Variants in CSGALNACT2 observed in about 807,000 individuals in gnomAD.
CSGALNACT2 encodes the protein chondroitin sulfate N-acetylgalactosaminyltransferase 2.
Under a neutral mutation model 55.3 loss-of-function variants are expected in CSGALNACT2, and 35 were observed. The observed-to-expected ratio is 0.63, with a 90% confidence interval of 0.48 to 0.84. The LOEUF (loss-of-function observed/expected upper bound fraction) is 0.84. CSGALNACT2 is among the 40% of genes least tolerant of loss of function. CSGALNACT2 has a pLI of 0.00. For missense variants in CSGALNACT2, 544 were observed against 657.5 expected (o/e 0.83, Z 1.89); for synonymous variants, 196 against 224.9 (o/e 0.87, Z 1.15).
chr10:43,173,862 G>A (rs1303148298), intron 6 of CSGALNACT2, among the ~76,000 whole-genome samples: 3 of 151,968 alleles, frequency 2.0e-5, no homozygotes, highest in Non-Finnish European at 2.9e-5. Context: ...GTGTGGTGGC[G>A]CACACCTGTA....
chr10:43,182,747 T>TG (rs1839611524), intron 7 of CSGALNACT2, among the ~76,000 whole-genome samples: 1 of 150,652 alleles, frequency 6.6e-6, no homozygotes, highest in African/African-American at 2.4e-5. Flanking sequence ...TATGGTGACA[T>TG]GCGCCTGTGG....
At chr10:43,176,139 C>A (rs1839477622) in intron 7 of CSGALNACT2, 107 bp downstream of exon 7, 2 of 748,914 alleles carry the variant, frequency 2.7e-6, no homozygotes, top group South Asian at 2.3e-5. Flanking sequence ...GTATGAGTGT[C>A]TAAGGTTAGC....
intron 2 of CSGALNACT2, among the ~76,000 whole-genome samples, chr10:43,157,901 C>T (rs905187797): frequency 5.3e-5 from 8 of 151,946 alleles, no homozygotes; most frequent in South Asian, 2.1e-4. Flanking sequence ...TGGTGACACA[C>T]GCCTGTAGTC....
intron 6 of CSGALNACT2, among the ~76,000 whole-genome samples, chr10:43,171,203 A>C (rs1409142262): frequency 6.6e-6 from 1 of 152,244 alleles, no homozygotes; most frequent in African/African-American, 2.4e-5. Flanking sequence ...GATGAGGGGT[A>C]TACAGGAACT....
At chr10:43,178,738 C>T (rs1425928782) in intron 7 of CSGALNACT2, among the ~76,000 whole-genome samples, 1 of 150,998 alleles carries the variant, frequency 6.6e-6, no homozygotes, top group African/African-American at 2.4e-5. Flanking sequence ...TATTTTTGAA[C>T]CATGTTGGTT....
intron 3 of CSGALNACT2, among the ~76,000 whole-genome samples, chr10:43,159,506 T>C (rs1564514841): frequency 1.3e-5 from 2 of 152,102 alleles, no homozygotes; most frequent in African/African-American, 4.8e-5. Context: ...GGCTGGAATT[T>C]AATGTCTTTT....
rs372643974 is a variant in CSGALNACT2 at position 43,160,489 on chromosome 10, G to A, written c.879-5G>A. The A allele has an allele frequency of 6.9e-6, 10 of 1,441,528 alleles. No individual in the cohort carries two copies. The African/African-American group carries it at 1.4e-4, about 20-fold the overall frequency. The allele number at this position is 1,441,528 out of a possible 1,614,324, so 89.3% of individuals were successfully genotyped here. ...GAATAAACTTTTATTTTTCACTTCT[G>A]TTAGGGATGTTTGTATTCATCAAGA... On this transcript the variant is annotated splice_region_variant and splice_polypyrimidine_tract_variant and intron_variant, in intron 3 of 7. Transcript: ENST00000374466.
intron 2 of CSGALNACT2, 66 bp from the exon 3 acceptor site, chr10:43,158,649 C>A: frequency 4.3e-6 from 4 of 932,046 alleles, no homozygotes; most frequent in South Asian, 1.4e-5. Context: ...TGAGTAAAAT[C>A]TGTCTTCCCA....
At chr10:43,143,176 C>A (rs1249706507) in intron 1 of CSGALNACT2, among the ~76,000 whole-genome samples, 1 of 152,142 alleles carries the variant, frequency 6.6e-6, no homozygotes, top group Non-Finnish European at 1.5e-5. Context: ...GTGGACAAGA[C>A]AAACTGAGAA....
At chr10:43,175,666 G>A (rs183998937) in intron 6 of CSGALNACT2, among the ~76,000 whole-genome samples, 1 of 152,232 alleles carries the variant, frequency 6.6e-6, no homozygotes, top group African/African-American at 2.4e-5. Flanking sequence ...GGTTGATCCT[G>A]TGTGTTACAA....
chr10:43,141,304 A>G (rs1286782277), intron 1 of CSGALNACT2, among the ~76,000 whole-genome samples: 1 of 150,954 alleles, frequency 6.6e-6, no homozygotes, highest in African/African-American at 2.4e-5. Flanking sequence ...TGCGAGCTCC[A>G]CCTCCCAGGT....
chr10:43,145,034 T>C (rs967378376), intron 1 of CSGALNACT2, among the ~76,000 whole-genome samples: 1 of 152,230 alleles, frequency 6.6e-6, no homozygotes, highest in Non-Finnish European at 1.5e-5. Context: ...TTTACTACAG[T>C]TTGTCCATTC....
Position 43,155,347 on chromosome 10 carries a change from A to T in CSGALNACT2, c.198A>T (p.Glu66Asp), listed in dbSNP as rs1356653189. The change falls in exon 2 of 8, where the codon GAA becomes GAT. Residue 66 changes from glutamate to aspartate, a missense_variant. Glu to Asp is a conservative substitution (Grantham distance 45). Transcript: ENST00000374466. ...AAGCCCTCCTACAGGAACAAGAAGA[A>T]CATTATCAGACCAGGGCAACCAGTC... ...YYQALLQEQE[E>D]HYQTRATSLK... The T allele has an allele frequency of 6.2e-7, 1 of 1,614,200 alleles. No individual in the cohort carries two copies. The highest frequency in any genetic ancestry group is 8.5e-7 in the Non-Finnish European group (1 of 1,180,032).
At chr10:43,159,540 C>T (rs1457721281) in intron 3 of CSGALNACT2, among the ~76,000 whole-genome samples, 3 of 152,110 alleles carry the variant, frequency 2.0e-5, no homozygotes, top group Non-Finnish European at 2.9e-5. Flanking sequence ...ACTCACGAAC[C>T]ACCACCCCAA....
intron 6 of CSGALNACT2, among the ~76,000 whole-genome samples, chr10:43,171,786 C>CT (rs2133145056): frequency 6.6e-6 from 1 of 152,298 alleles, no homozygotes; most frequent in African/African-American, 2.4e-5. Flanking sequence ...GTAACCTTTG[C>CT]AAGTTGCTTA....
chr10:43,155,203 C>T lies in CSGALNACT2; in HGVS notation c.54C>T (p.Gly18=). 6.2e-7 allele frequency: 1 copy of T among 1,614,082 alleles called. No individual in the cohort carries two copies. The highest frequency in any genetic ancestry group is 1.6e-4 in the Middle Eastern group (1 of 6,062). Residue 18 remains glycine (G), a synonymous_variant, in exon 2 of 8, where the codon GGC becomes GGT. Coordinates refer to ENST00000374466, the MANE Select transcript of CSGALNACT2 (RefSeq NM_018590.5). ...LHTRTHWLLL[G]LALLCSLVLF... is the part of the protein sequence containing the mutation. ...CCCGGACCCACTGGTTGCTGTTGGG[C>T]CTTGCTTTGCTCTGCAGTTTGGTAT... is the stretch of plus-strand genomic sequence containing the variant.
intron 1 of CSGALNACT2, among the ~76,000 whole-genome samples, chr10:43,147,134 C>T (rs1401813102): frequency 6.7e-6 from 1 of 149,796 alleles, no homozygotes; most frequent in South Asian, 2.2e-4. Flanking sequence ...CGCCACTACG[C>T]CCGGCTAATT....
chr10:43,159,056 C>T, intron 3 of CSGALNACT2, 125 bp downstream of exon 3: 3 of 621,070 alleles, frequency 4.8e-6, no homozygotes, highest in Middle Eastern at 4.3e-4. Context: ...TTTAGGGGAA[C>T]TTTATTTTTT....
At chr10:43,170,266 C>T (rs1839357170) in intron 6 of CSGALNACT2, among the ~76,000 whole-genome samples, 1 of 152,184 alleles carries the variant, frequency 6.6e-6, no homozygotes, top group South Asian at 2.1e-4. Context: ...CAAGTACACT[C>T]AGCTTCCAAA....
Sources: gnomAD v4.1 joint callset for allele counts (sites outside exome capture counted in the v4.1 genomes callset) on GRCh38, gnomAD v4.1.1 for gene constraint, MANE v1.5 for transcripts, NCBI Gene and HGNC (gene_info 2026-07-23, HGNC 2026-07-21) for gene names.